Variants in REL observed in about 807,000 individuals in gnomAD.
REL encodes the protein proto-oncogene c-Rel.
In REL, 15 loss-of-function variants were observed where a neutral mutation model predicts 45.9. The ratio of observed to expected loss-of-function variants is 0.33; its 90% CI spans 0.22 to 0.50. REL has a LOEUF of 0.50. Among genes scored for constraint, REL ranks in the 20% least tolerant of loss-of-function variants. The pLI is 0.98. For synonymous variants in REL, 239 were observed against 242.1 expected (o/e 0.99, Z 0.12); for missense variants, 601 against 715.2 (o/e 0.84, Z 1.82).
chr2:60,914,124 T>C (rs944271217), intron 4 of REL, among the ~76,000 whole-genome samples: 1 of 152,320 alleles, frequency 6.6e-6, no homozygotes, highest in South Asian at 2.1e-4. Context: ...TTTAAAACTT[T>C]TAAGGGCATA....
At chr2:60,882,679 TA>T (rs575989821) in intron 1 of REL, among the ~76,000 whole-genome samples, 322 of 143,282 alleles carry the variant, frequency 2.2e-3, no homozygotes, top group Middle Eastern at 3.6e-3. Flanking sequence ...TGTCTCTATT[TA>T]AAAAAAAAAA....
intron 1 of REL, among the ~76,000 whole-genome samples, 189 bp downstream of exon 1, chr2:60,882,039 G>A (rs961046559): frequency 2.0e-5 from 3 of 152,182 alleles, no homozygotes; most frequent in African/African-American, 7.2e-5. Flanking sequence ...TCCAAGCCAC[G>A]CTCTGTAATT....
chr2:60,899,327 A>C (rs1278092538), intron 3 of REL: 1 of 152,090 alleles, frequency 6.6e-6, no homozygotes, highest in African/African-American at 2.4e-5. Context: ...CTCTACAAAA[A>C]TACAAAAATT....
rs1673989731 is a variant in REL, at chr2:60,917,112, T to G, written c.535+95T>G. 3 of 1,079,614 alleles carry G rather than the reference T, an allele frequency of 2.8e-6. No homozygotes were observed. In the South Asian group the frequency reaches 4.8e-5, roughly 17 times the overall value. 66.9% of individuals were successfully genotyped at this position (1,079,614 alleles called of 1,614,324 possible). ...TTTTGGTAATTAGGAAAACAATATA[T>G]TCATGATAGGAAAACTTCCAGACAT... On this transcript the variant is annotated intron_variant, in intron 5 of 9. Coordinates refer to ENST00000394479, the MANE Select transcript of REL (RefSeq NM_001291746.2).
chr2:60,911,067 T>G (rs1286814830), intron 4 of REL, among the ~76,000 whole-genome samples: 1 of 152,112 alleles, frequency 6.6e-6, no homozygotes, highest in Non-Finnish European at 1.5e-5. Context: ...ATCAGAAACA[T>G]TCGCTTTGAA....
intron 9 of REL, 32 bp from the exon 10 acceptor site, chr2:60,921,731 T>G (rs777267460): frequency 1.3e-6 from 2 of 1,555,140 alleles, no homozygotes; most frequent in Non-Finnish European, 8.7e-7. Context: ...TTGTTCATTT[T>G]AATTTCGTAA....
chr2:60,882,002 T>TA, intron 1 of REL, 152 bp downstream of exon 1: 1 of 532,546 alleles, frequency 1.9e-6, no homozygotes, highest in Non-Finnish European at 3.2e-6. Flanking sequence ...TTAAAAAAGT[T>TA]ACCTGCTTCA....
Position 60,918,188 on chromosome 2 carries a change from T to A in REL, c.536-3T>A, listed in dbSNP as rs1411403678. The stretch of plus-strand genomic sequence containing the variant: ...CATTTTTTTGAAAATCCTTTATATT[T>A]AGGTGCTCCAAATACTGCAGAATTA... On this transcript the variant is annotated splice_polypyrimidine_tract_variant and splice_region_variant and intron_variant, in intron 5 of 9. Coordinates refer to ENST00000394479, the MANE Select transcript of REL (RefSeq NM_001291746.2). The A allele has an allele frequency of 6.4e-7, 1 of 1,560,480 alleles. No homozygotes were observed. The highest frequency in any genetic ancestry group is 8.7e-7 in the Non-Finnish European group (1 of 1,145,794).
rs561737356 is a variant in REL at position 60,901,348 on chromosome 2, G to A, written c.394+265G>A. ...AGCTAATTTTTGTATTTTAAGTAGAGACGGGGTTTCACCATGTTAGCCAGG... is the reference window on the plus strand; with the variant it reads ...AGCTAATTTTTGTATTTTAAGTAGAAACGGGGTTTCACCATGTTAGCCAGG... On this transcript the variant is annotated intron_variant, in intron 4 of 9. Transcript: ENST00000394479. 2.3e-4 allele frequency among the ~76,000 whole-genome samples: 35 copies of A among 152,000 alleles called. 1 individual carries two copies. In the South Asian group the frequency reaches 7.3e-3, roughly 32 times the overall value.
intron 4 of REL, among the ~76,000 whole-genome samples, chr2:60,904,000 G>A (rs1673567615): frequency 6.6e-6 from 1 of 152,074 alleles, no homozygotes; most frequent in African/African-American, 2.4e-5. Context: ...TCTCATAATG[G>A]CAATTAAAAT....
chr2:60,921,358 C>T (rs944033521), intron 9 of REL, among the ~76,000 whole-genome samples: 6 of 152,012 alleles, frequency 3.9e-5, no homozygotes, highest in African/African-American at 1.4e-4. Flanking sequence ...AGTGTTGTCT[C>T]CATCCTTCCA....
intron 7 of REL, among the ~76,000 whole-genome samples, 157 bp downstream of exon 7, chr2:60,918,763 A>G (rs901687837): frequency 4.0e-5 from 6 of 151,482 alleles, no homozygotes; most frequent in Non-Finnish European, 5.9e-5. Flanking sequence ...TGCTCTTTGC[A>G]TCTCTTTATT....
chr2:60,900,840 C>A, intron 3 of REL, 152 bp from the exon 4 acceptor site: 1 of 670,076 alleles, frequency 1.5e-6, no homozygotes, highest in Non-Finnish European at 2.4e-6. Context: ...CCACTTCTTA[C>A]TCTCTCATCT....
At chr2:60,898,650 G>A (rs2103941802) in intron 3 of REL, among the ~76,000 whole-genome samples, 1 of 152,296 alleles carries the variant, frequency 6.6e-6, no homozygotes, top group South Asian at 2.1e-4. Context: ...AAATGTTTGG[G>A]GTTTTGCAAG....
chr2:60,920,870 G>A (rs1440233568), intron 9 of REL, among the ~76,000 whole-genome samples: 1 of 152,048 alleles, frequency 6.6e-6, no homozygotes, highest in African/African-American at 2.4e-5. Context: ...TTGTTCATAT[G>A]GTAGCAATTT....
At chr2:60,895,181 AC>A (rs1558793855) in intron 3 of REL, among the ~76,000 whole-genome samples, 8 of 150,022 alleles carry the variant, frequency 5.3e-5, no homozygotes, top group Non-Finnish European at 8.9e-5. Flanking sequence ...TTTATAGTTA[AC>A]TTATTATTAT....
At chr2:60,919,915 T>C (rs972412616) in intron 7 of REL, 126 bp from the exon 8 acceptor site, 31 of 628,050 alleles carry the variant, frequency 4.9e-5, no homozygotes, top group Non-Finnish European at 7.6e-5. Context: ...ATAATACTTA[T>C]TAAATCCAAC....
intron 4 of REL, among the ~76,000 whole-genome samples, chr2:60,914,480 G>C (rs9309331): frequency 0.22 from 33,070 of 151,942 alleles, 3,802 homozygotes; most frequent in Middle Eastern, 0.37. Flanking sequence ...TTTGAACTTT[G>C]GCTTATTGAC....
intron 1 of REL, among the ~76,000 whole-genome samples, chr2:60,889,002 A>G (rs376502567): frequency 6.0e-4 from 92 of 152,332 alleles, no homozygotes; most frequent in African/African-American, 2.0e-3. Context: ...CTTTTACTCT[A>G]AAATGCAAAT....
Sources: gnomAD v4.1 joint callset for allele counts (sites outside exome capture counted in the v4.1 genomes callset) on GRCh38, gnomAD v4.1.1 for gene constraint, MANE v1.5 for transcripts, NCBI Gene and HGNC (gene_info 2026-07-23, HGNC 2026-07-21) for gene names.